CHD2: variants seen among roughly 807,000 people sequenced by gnomAD.
The protein encoded by CHD2 is ATP-dependent chromatin remodeler CHD2.
Under a neutral mutation model 243.9 loss-of-function variants are expected in CHD2, and 28 were observed. That is an observed-to-expected ratio of 0.11 (90% CI 0.09 to 0.16). CHD2 has a LOEUF of 0.16. Ranked by LOEUF, CHD2 falls within the 10% of genes least tolerant of loss-of-function variation. The pLI is 1.00. For synonymous variants in CHD2, 775 were observed against 779.0 expected, an observed-to-expected ratio of 0.99 and a Z score of 0.09; for missense variants, 1,386 against 2,209.8, an observed-to-expected ratio of 0.63 and a Z score of 7.47.
At chr15:92,970,797 C>G (rs957453069) in intron 17 of CHD2, among the ~76,000 whole-genome samples, 1 of 152,082 alleles carries the variant, frequency 6.6e-6, no homozygotes, top group African/African-American at 2.4e-5. Context: ...GTTTTACCTA[C>G]TTTTATAAAT....
intron 13 of CHD2, among the ~76,000 whole-genome samples, chr15:92,949,456 G>A (rs2053522270): frequency 6.6e-6 from 1 of 152,132 alleles, no homozygotes; most frequent in Non-Finnish European, 1.5e-5. Flanking sequence ...TTTCTTTCTA[G>A]GCCAGGGAAG....
chr15:92,944,240 T>C (rs748957672), intron 9 of CHD2, 175 bp from the exon 10 acceptor site: 1 of 455,402 alleles, frequency 2.2e-6, no homozygotes, highest in Non-Finnish European at 4.0e-6. Flanking sequence ...AAGTGTTTTT[T>C]TTGTTTGTTT....
rs2054576061 is a variant in CHD2, at chr15:93,025,095, G to T, written c.*390G>T. ...CCCAGGACCTTAGTGCATGGTCGGGGCAGGAACTGGTGCATGGAGGCTGCT... is the reference window on the plus strand; with the variant it reads ...CCCAGGACCTTAGTGCATGGTCGGGTCAGGAACTGGTGCATGGAGGCTGCT... On this transcript the variant is annotated 3_prime_UTR_variant, in exon 39 of 39. Transcript: ENST00000394196. 1 of 193,372 alleles carries T rather than the reference G, an allele frequency of 5.2e-6. No individual in the cohort carries two copies. Among genetic ancestry groups the T allele is most frequent in the African/African-American group, 2.4e-5 (1 of 42,220 alleles). 12.0% of individuals were successfully genotyped at this position (193,372 alleles called of 1,614,324 possible).
At chr15:93,009,877 A>C (rs897961132) in intron 35 of CHD2, among the ~76,000 whole-genome samples, 33 of 152,230 alleles carry the variant, frequency 2.2e-4, no homozygotes, top group African/African-American at 7.7e-4. Context: ...ATAGCCACTG[A>C]AACTTTTTTA....
chr15:92,922,628 G>A (rs528702345), intron 2 of CHD2, among the ~76,000 whole-genome samples: 34 of 152,148 alleles, frequency 2.2e-4, no homozygotes, highest in Non-Finnish European at 4.4e-4. Flanking sequence ...TTTGTGCCAC[G>A]TGTCTTATCT....
intron 8 of CHD2, 45 bp downstream of exon 8, chr15:92,942,000 A>G (rs749510090): frequency 1.4e-5 from 22 of 1,573,118 alleles, no homozygotes. Context: ...TATGCTTAGT[A>G]AGACTTAGAT....
At chr15:92,970,380 T>C (rs1346403292) in intron 17 of CHD2, among the ~76,000 whole-genome samples, 1 of 152,112 alleles carries the variant, frequency 6.6e-6, no homozygotes, top group African/African-American at 2.4e-5. Context: ...TTTGTAGTTT[T>C]AGTAGAGATG....
At chr15:92,911,719 A>G (rs750811290) in intron 2 of CHD2, among the ~76,000 whole-genome samples, 2 of 152,188 alleles carry the variant, frequency 1.3e-5, no homozygotes, top group African/African-American at 2.4e-5. Flanking sequence ...TGGGCAGCAG[A>G]GTGAGACTGT....
intron 2 of CHD2, among the ~76,000 whole-genome samples, chr15:92,923,266 T>A (rs981058207): frequency 7.9e-5 from 12 of 152,104 alleles, no homozygotes; most frequent in Admixed American, 5.9e-4. Context: ...GTTTTTTTTG[T>A]TTTTGTTTTT....
At chr15:92,913,578 G>A (rs1200799740) in intron 2 of CHD2, among the ~76,000 whole-genome samples, 2 of 152,222 alleles carry the variant, frequency 1.3e-5, no homozygotes, top group East Asian at 3.8e-4. Flanking sequence ...CCACTAGGCT[G>A]GGCACGGCGG....
intron 19 of CHD2, among the ~76,000 whole-genome samples, chr15:92,974,363 G>C (rs1430591574): frequency 2.0e-5 from 3 of 152,084 alleles, no homozygotes; most frequent in Admixed American, 6.6e-5. Context: ...TGGGATATAT[G>C]ATCAATTTTA....
At chr15:92,904,760 C>G in intron 2 of CHD2, 2 of 1,391,934 alleles carry the variant, frequency 1.4e-6, no homozygotes, top group Admixed American at 3.1e-5. Context: ...CTTTTCATAC[C>G]TTAGCGTCCC....
At position 93,000,726 on chromosome 15, in the gene CHD2, G is replaced by A. The variant is rs12591124; in HGVS notation, c.4137+86G>A. On this transcript the variant is annotated intron_variant, in intron 32 of 38. Transcript: ENST00000394196. ...GCTGGAATAAAATCATCTGAAATGT[G>A]TTTGGTTTACGAGTGGATTAAATGG... 551,965 of 1,400,812 alleles carry A rather than the reference G, an allele frequency of 0.39. 115,747 individuals carry two copies. Among genetic ancestry groups the A allele is most frequent in the East Asian group, 0.79 (33,980 of 43,082 alleles). 86.8% of individuals were successfully genotyped at this position (1,400,812 alleles called of 1,614,324 possible). A position where few individuals can be genotyped will look rare whatever the true frequency, so the allele number is the denominator to read the frequency against.
chr15:93,024,695 G>A lies in CHD2; in HGVS notation c.5477G>A (p.Arg1826Gln). ...KNNPDYNWNV[R>Q]KT Reference sequence around the variant, plus strand: ...AACCCAGATTATAACTGGAATGTTCGGAAAACATAAAGGACAGCTCGTAAA... The same window carrying A: ...AACCCAGATTATAACTGGAATGTTCAGAAAACATAAAGGACAGCTCGTAAA... The change falls in exon 39 of 39, where the codon CGG becomes CAG. Residue 1826 changes from arginine (R) to glutamine (Q), a missense_variant. Physicochemically the swap from Arg to Gln is conservative, Grantham distance 43. This residue lies in a region of CHD2 where 347 missense variants were observed against 341.6 expected (regional missense o/e 1.02). Transcript: ENST00000394196. The A allele has an allele frequency of 1.2e-6, 2 of 1,609,226 alleles. No homozygotes were observed. Among genetic ancestry groups the A allele is most frequent in the Non-Finnish European group, 1.7e-6 (2 of 1,177,296 alleles).
chr15:92,972,916 A>G (rs2053861364), intron 19 of CHD2, among the ~76,000 whole-genome samples: 1 of 152,126 alleles, frequency 6.6e-6, no homozygotes, highest in South Asian at 2.1e-4. Context: ...CCTTTAGGCT[A>G]CCATATGAAA....
intron 22 of CHD2, 22 bp from the exon 23 acceptor site, chr15:92,980,793 C>T: frequency 1.3e-6 from 2 of 1,567,330 alleles, no homozygotes; most frequent in African/African-American, 1.4e-5. Context: ...ATGTTTCTAA[C>T]AACTACATTT....
At chr15:92,993,098 A>T in intron 28 of CHD2, 100 bp downstream of exon 28, 1 of 1,218,868 alleles carries the variant, frequency 8.2e-7, no homozygotes, top group East Asian at 2.5e-5. Flanking sequence ...AGGACCACAC[A>T]TGCCTAGTGA....
intron 14 of CHD2, 107 bp downstream of exon 14, chr15:92,953,680 G>A: frequency 1.0e-6 from 1 of 999,448 alleles, no homozygotes; most frequent in Non-Finnish European, 1.5e-6. Context: ...TTATTATTCT[G>A]ATACTGTGCT....
chr15:92,940,826 TTATAAATATATAAAAATATATATAAATA>T (rs1206980111), intron 7 of CHD2, among the ~76,000 whole-genome samples: 1 of 131,866 alleles, frequency 7.6e-6, no homozygotes, highest in African/African-American at 2.7e-5. Flanking sequence ...TATATAAATA[TTATAAATATATAAAAATATATATAAATA>T]TATAAATATA....
Sources: gnomAD v4.1 joint callset for allele counts (sites outside exome capture counted in the v4.1 genomes callset) on GRCh38, gnomAD v4.1.1 for gene constraint, gnomAD v4.1.1 regional missense constraint, MANE v1.5 for transcripts, NCBI Gene and HGNC (gene_info 2026-07-23, HGNC 2026-07-21) for gene names.